LRRIQ3: variants seen among roughly 807,000 people sequenced by gnomAD.
LRRIQ3 encodes leucine rich repeats and IQ motif containing 3.
Under a neutral mutation model 59.3 loss-of-function variants are expected in LRRIQ3, and 75 were observed. The observed-to-expected ratio is 1.26, with a 90% CI of 1.05 to 1.53. LRRIQ3 has a LOEUF of 1.53. Ranked by LOEUF, LRRIQ3 falls within the 40% of genes most tolerant of loss-of-function variation. The pLI is 0.00. For synonymous variants in LRRIQ3, 250 were observed against 231.3 expected (o/e 1.08, Z -0.73); for missense variants, 831 against 710.0 (o/e 1.17, Z -1.94).
chr1:74,175,320 C>A (rs1451808914), intron 3 of LRRIQ3, among the ~76,000 whole-genome samples: 2 of 152,186 alleles, frequency 1.3e-5, no homozygotes, highest in African/African-American at 4.8e-5. Context: ...CCACCACTAA[C>A]AGCTCTACCC....
chr1:74,132,895 A>G (rs1393209342), intron 4 of LRRIQ3, among the ~76,000 whole-genome samples: 2 of 152,210 alleles, frequency 1.3e-5, no homozygotes, highest in Non-Finnish European at 2.9e-5. Context: ...ACTTCTGCAC[A>G]GCAAAAGAAA....
chr1:74,074,589 A>C, intron 6 of LRRIQ3, 72 bp downstream of exon 6: 1 of 709,680 alleles, frequency 1.4e-6, no homozygotes, highest in East Asian at 4.1e-5. Context: ...AACATGCCCA[A>C]TTTCTAATTA....
intron 3 of LRRIQ3, among the ~76,000 whole-genome samples, chr1:74,173,041 C>T (rs1013255174): frequency 6.6e-5 from 10 of 152,112 alleles, no homozygotes; most frequent in Non-Finnish European, 1.5e-4. Context: ...GTGGCTCACG[C>T]CTGTAATCCC....
chr1:74,154,002 G>A lies in LRRIQ3; in HGVS notation c.707+1731C>T, dbSNP rs533920416. ...CACGCTTGTAATCCCAGCACTTTGG[G>A]GGGCCGAGGTGTGCGGATCACGAGG... On this transcript the variant is annotated intron_variant, in intron 4 of 7. Transcript: ENST00000354431. 9.2e-5 allele frequency among the ~76,000 whole-genome samples: 14 copies of A among 152,034 alleles called. No individual in the cohort carries two copies. In the East Asian group the frequency reaches 2.7e-3, roughly 29 times the overall value.
Position 74,167,813 on chromosome 1 carries a change from A to AAC in LRRIQ3, c.574-11949_574-11948dup, listed in dbSNP as rs201436183. On this transcript the variant is annotated intron_variant, in intron 3 of 7. Transcript: ENST00000354431. ...ATTGTACAATTAAAAACATAAAATA[A>AAC]ACACACACACACACACACGAAAGAA... is the stretch of plus-strand genomic sequence containing the variant. 4.3e-3 allele frequency among the ~76,000 whole-genome samples: 650 copies of AAC among 150,824 alleles called. 24 individuals carry two copies. In the East Asian group the frequency reaches 0.087, roughly 20 times the overall value.
intron 3 of LRRIQ3, among the ~76,000 whole-genome samples, chr1:74,162,144 C>T (rs1050513857): frequency 2.0e-4 from 30 of 151,786 alleles, no homozygotes; most frequent in Non-Finnish European, 3.7e-4. Flanking sequence ...ACAATGTTAT[C>T]TTTCAACAGT....
intron 4 of LRRIQ3, among the ~76,000 whole-genome samples, chr1:74,127,642 G>T (rs1313890755): frequency 1.3e-5 from 2 of 151,588 alleles, no homozygotes; most frequent in Admixed American, 6.6e-5. Flanking sequence ...TTAACTTTTT[G>T]TTGCTTCTAT....
chr1:74,142,110 G>C (rs936269368), intron 4 of LRRIQ3, among the ~76,000 whole-genome samples: 1 of 151,820 alleles, frequency 6.6e-6, no homozygotes, highest in Non-Finnish European at 1.5e-5. Flanking sequence ...ATGAACGTGA[G>C]AGTGCAGGTA....
chr1:74,143,202 G>C (rs1164962645), intron 4 of LRRIQ3, among the ~76,000 whole-genome samples: 2 of 151,654 alleles, frequency 1.3e-5, no homozygotes, highest in African/African-American at 4.8e-5. Context: ...TATTCAACTG[G>C]GTAAGATGAA....
At chr1:74,055,290 C>A (rs540335119) in intron 6 of LRRIQ3, among the ~76,000 whole-genome samples, 1 of 150,464 alleles carries the variant, frequency 6.6e-6, no homozygotes, top group Admixed American at 6.6e-5. Flanking sequence ...ATCATGAATA[C>A]CTAATTCAAG....
At position 74,142,106 on chromosome 1, in the gene LRRIQ3, G is replaced by A. The variant is rs746568839; in HGVS notation, c.707+13627C>T. ...TATTGTGAATAATGTTGCAATGAACGTGAGAGTGCAGGTATCTTTACAAGT... is the reference window on the plus strand; with the variant it reads ...TATTGTGAATAATGTTGCAATGAACATGAGAGTGCAGGTATCTTTACAAGT... On this transcript the variant is annotated intron_variant, in intron 4 of 7. Transcript: ENST00000354431. Among the ~76,000 whole-genome samples, 3 of 151,864 alleles carry A rather than the reference G, an allele frequency of 2.0e-5. No homozygotes were observed. In the South Asian group the frequency reaches 6.2e-4, roughly 32 times the overall value.
chr1:74,128,326 C>T (rs527987384), intron 4 of LRRIQ3, among the ~76,000 whole-genome samples: 9 of 152,096 alleles, frequency 5.9e-5, no homozygotes, highest in African/African-American at 2.2e-4. Context: ...TTTGTGATGG[C>T]ATGTCTTAAA....
chr1:74,114,428 T>C (rs1197290365), intron 4 of LRRIQ3, among the ~76,000 whole-genome samples: 1 of 151,968 alleles, frequency 6.6e-6, no homozygotes, highest in Non-Finnish European at 1.5e-5. Flanking sequence ...GTAGACAAGA[T>C]AAGTTAAAGT....
intron 4 of LRRIQ3, among the ~76,000 whole-genome samples, chr1:74,125,036 T>C (rs1557627176): frequency 1.3e-5 from 2 of 152,038 alleles, no homozygotes; most frequent in South Asian, 2.1e-4. Flanking sequence ...ATTTCTTTCA[T>C]CAATGTTTTA....
intron 7 of LRRIQ3, among the ~76,000 whole-genome samples, chr1:74,031,477 C>A (rs1653710305): frequency 6.6e-6 from 1 of 151,964 alleles, no homozygotes; most frequent in South Asian, 2.1e-4. Context: ...ATGGATGAAG[C>A]TGGAAACCAT....
At chr1:74,115,152 T>G (rs1646761338) in intron 4 of LRRIQ3, among the ~76,000 whole-genome samples, 1 of 152,058 alleles carries the variant, frequency 6.6e-6, no homozygotes, top group African/African-American at 2.4e-5. Context: ...GAAGAAGTAT[T>G]TATTCACTCT....
chr1:74,140,830 C>T (rs1647225170), intron 4 of LRRIQ3, among the ~76,000 whole-genome samples: 1 of 151,784 alleles, frequency 6.6e-6, no homozygotes, highest in Non-Finnish European at 1.5e-5. Context: ...TACAGTTTGA[C>T]TAGAATTAAA....
At chr1:74,182,255 A>G (rs1252560959) in intron 3 of LRRIQ3, 4 of 178,890 alleles carry the variant, frequency 2.2e-5, no homozygotes, top group Admixed American at 6.1e-5. Flanking sequence ...AGTCTTTCAT[A>G]TACCAAATTC....
rs555622320 is a variant in LRRIQ3, at chr1:74,060,218, C to G, written c.997+14443G>C. Among the ~76,000 whole-genome samples, 19 of 22,262 alleles carry G rather than the reference C, an allele frequency of 8.5e-4. No individual in the cohort carries two copies. The South Asian group carries it at 0.013, about 16-fold the overall frequency. The allele number at this position is 22,262 out of a possible 152,430, so 14.6% of individuals were successfully genotyped here. Reference sequence around the variant, plus strand: ...TCTTCTTCTTCTTCTTCTTCTTCTTCTTGTTCTTCTTCTTCTTCTTCTTCT... The same window carrying G: ...TCTTCTTCTTCTTCTTCTTCTTCTTGTTGTTCTTCTTCTTCTTCTTCTTCT... On this transcript the variant is annotated intron_variant, in intron 6 of 7. Transcript: ENST00000354431.
Sources: allele counts gnomAD v4.1 joint callset (sites outside exome capture counted in the v4.1 genomes callset), GRCh38; gene constraint gnomAD v4.1.1; transcripts MANE v1.5; gene names NCBI Gene and HGNC (gene_info 2026-07-23, HGNC 2026-07-21).